Variants in NECAB1 observed in about 807,000 individuals in gnomAD.
NECAB1 encodes the protein N-terminal EF-hand calcium binding protein 1, also known as N-terminal EF-hand calcium-binding protein 1.
A neutral mutation model predicts 57.5 loss-of-function variants in NECAB1; 29 were observed. That is an observed-to-expected ratio of 0.50 (90% CI 0.38 to 0.69). NECAB1 has a LOEUF of 0.69. Among genes scored for constraint, NECAB1 ranks in the 30% least tolerant of loss-of-function variants. The probability of loss-of-function intolerance (pLI) is 0.00; values close to 1 mark genes in which losing one functional copy is unlikely to be tolerated. For synonymous variants in NECAB1, 142 were observed against 147.7 expected (o/e 0.96, Z 0.28); for missense variants, 372 against 413.8 (o/e 0.90, Z 0.88).
chr8:90,914,934 G>T (rs986182667), intron 5 of NECAB1, among the ~76,000 whole-genome samples: 1 of 152,202 alleles, frequency 6.6e-6, no homozygotes, highest in Middle Eastern at 3.4e-3. Context: ...AAACCTAATT[G>T]CAATGACTGG....
chr8:90,888,440 C>A (rs1373022840), intron 5 of NECAB1, among the ~76,000 whole-genome samples: 1 of 152,098 alleles, frequency 6.6e-6, no homozygotes, highest in Non-Finnish European at 1.5e-5. Flanking sequence ...GTATGTGATT[C>A]CTTCTGTCAC....
intron 3 of NECAB1, among the ~76,000 whole-genome samples, chr8:90,854,361 G>A (rs1371014840): frequency 1.3e-5 from 2 of 152,126 alleles, no homozygotes; most frequent in Non-Finnish European, 2.9e-5. Context: ...TCAGCATTGG[G>A]CTTGTTGGAG....
At chr8:90,806,565 A>G (rs1811850701) in intron 2 of NECAB1, 1 of 152,238 alleles carries the variant, frequency 6.6e-6, no homozygotes, top group Non-Finnish European at 1.5e-5. Flanking sequence ...TGTGATTTAT[A>G]TACATTGTCT....
At chr8:90,801,147 A>G (rs1811750968) in intron 1 of NECAB1, among the ~76,000 whole-genome samples, 1 of 152,060 alleles carries the variant, frequency 6.6e-6, no homozygotes, top group Non-Finnish European at 1.5e-5. Context: ...GCACATATGT[A>G]AAGTGTAAAC....
intron 10 of NECAB1, among the ~76,000 whole-genome samples, chr8:90,946,892 G>C (rs937050456): frequency 6.6e-6 from 1 of 152,204 alleles, no homozygotes; most frequent in Non-Finnish European, 1.5e-5. Context: ...CCAACACTGA[G>C]TGGTACATTG....
intron 10 of NECAB1, among the ~76,000 whole-genome samples, chr8:90,945,827 T>C (rs1425689551): frequency 1.3e-5 from 2 of 152,170 alleles, no homozygotes; most frequent in Non-Finnish European, 2.9e-5. Flanking sequence ...GGGGCCTGCA[T>C]CCAAAGACAG....
chr8:90,950,294 CTACATA>C (rs935220184), intron 11 of NECAB1, among the ~76,000 whole-genome samples: 6 of 152,070 alleles, frequency 3.9e-5, no homozygotes, highest in Admixed American at 3.9e-4. Context: ...TACAATAAAA[CTACATA>C]TAATTTTTAG....
At chr8:90,877,526 G>A (rs144508786) in intron 4 of NECAB1, among the ~76,000 whole-genome samples, 116 of 152,248 alleles carry the variant, frequency 7.6e-4, no homozygotes, top group African/African-American at 2.7e-3. Context: ...CTAGAGTAGT[G>A]TTTCTCAAAC....
chr8:90,955,444 T>TAA (rs1239338627), intron 12 of NECAB1, 43 bp from the exon 13 acceptor site: 1 of 1,454,966 alleles, frequency 6.9e-7, no homozygotes. Flanking sequence ...CTTTGCCCTA[T>TAA]AAGTTATTTT....
At chr8:90,924,338 C>A (rs1247923958) in intron 6 of NECAB1, among the ~76,000 whole-genome samples, 1 of 151,954 alleles carries the variant, frequency 6.6e-6, no homozygotes, top group African/African-American at 2.4e-5. Flanking sequence ...ATATTTTCCA[C>A]CAAAACAAAG....
chr8:90,941,977 GTGTT>G (rs1169544197), intron 10 of NECAB1, among the ~76,000 whole-genome samples: 3 of 152,168 alleles, frequency 2.0e-5, no homozygotes, highest in South Asian at 2.1e-4. Flanking sequence ...AAATGTGTGT[GTGTT>G]TGTGTATGTG....
At chr8:90,823,150 A>G (rs1252149596) in intron 2 of NECAB1, among the ~76,000 whole-genome samples, 1 of 151,842 alleles carries the variant, frequency 6.6e-6, no homozygotes, top group Non-Finnish European at 1.5e-5. Flanking sequence ...ATGGGTTGTT[A>G]TGTCACCTGA....
At chr8:90,814,984 T>C (rs959762020) in intron 2 of NECAB1, among the ~76,000 whole-genome samples, 1 of 152,130 alleles carries the variant, frequency 6.6e-6, no homozygotes, top group East Asian at 1.9e-4. Flanking sequence ...CCCATGGGTA[T>C]CTATACTGAG....
At chr8:90,881,436 G>T (rs918194434) in intron 5 of NECAB1, among the ~76,000 whole-genome samples, 14 of 152,128 alleles carry the variant, frequency 9.2e-5, no homozygotes, top group Non-Finnish European at 1.9e-4. Context: ...ATCCCATGTC[G>T]AATTGTAATC....
intron 1 of NECAB1, 109 bp downstream of exon 1, chr8:90,792,094 C>A: frequency 1.2e-6 from 1 of 845,244 alleles, no homozygotes; most frequent in South Asian, 1.6e-5. Flanking sequence ...GTCCCCAGAA[C>A]ACAGGCGAGA....
chr8:90,900,778 G>A (rs1809482315), intron 5 of NECAB1, among the ~76,000 whole-genome samples: 1 of 152,168 alleles, frequency 6.6e-6, no homozygotes, highest in African/African-American at 2.4e-5. Flanking sequence ...CCCTGTCAGG[G>A]TTTCATCACG....
intron 5 of NECAB1, among the ~76,000 whole-genome samples, chr8:90,902,793 T>TAG (rs1809540885): frequency 6.6e-6 from 1 of 151,970 alleles, no homozygotes; most frequent in Non-Finnish European, 1.5e-5. Context: ...CTTCTACCTG[T>TAG]AGGAGGGCAA....
rs186304873 is a variant in NECAB1, at chr8:90,898,421, G to A, written c.357+17291G>A. Among the ~76,000 whole-genome samples the A allele has an allele frequency of 3.9e-5, 6 of 152,016 alleles. No homozygotes were observed. The East Asian group carries it at 1.2e-3, about 29-fold the overall frequency. ...GATTAGACATCATATTAACTATTTG[G>A]GAATCTGTAAAACCACAGGACCCTA... On this transcript the variant is annotated intron_variant, in intron 5 of 12. Coordinates refer to ENST00000417640, the MANE Select transcript of NECAB1 (RefSeq NM_022351.5).
At chr8:90,807,406 G>A (rs2129658939) in intron 2 of NECAB1, among the ~76,000 whole-genome samples, 1 of 152,240 alleles carries the variant, frequency 6.6e-6, no homozygotes, top group Non-Finnish European at 1.5e-5. Flanking sequence ...GTAGAAGCTG[G>A]AACAAAGGTT....
Sources: allele counts gnomAD v4.1 joint callset (sites outside exome capture counted in the v4.1 genomes callset), GRCh38; gene constraint gnomAD v4.1.1; transcripts MANE v1.5; gene names NCBI Gene and HGNC (gene_info 2026-07-23, HGNC 2026-07-21).